The following ARL15 variants were observed in gnomAD, a reference collection of about 807,000 sequenced individuals.
ARL15 encodes ADP-ribosylation factor-like protein 15.
Under a neutral mutation model 25.2 loss-of-function variants are expected in ARL15, and 19 were observed. The ratio of observed to expected loss-of-function variants is 0.75; its 90% confidence interval spans 0.53 to 1.10. The LOEUF is 1.10. Among genes scored for constraint, ARL15 ranks in the 50% least tolerant of loss-of-function variants. The pLI is 0.00. For synonymous variants in ARL15, 94 were observed against 86.8 expected (o/e 1.08, Z -0.46); for missense variants, 220 against 246.0 (o/e 0.89, Z 0.71).
chr5:54,008,616 C>G lies in ARL15; in HGVS notation c.462+104586G>C, dbSNP rs539297267. On this transcript the variant is annotated intron_variant, in intron 4 of 4. Transcript: ENST00000504924. ...TCTTCACCAAAGCCAGGGAACGTCC[C>G]TTTAGCTACTGCAGCATTTCTAACA... Among the ~76,000 whole-genome samples, 819 of 152,262 alleles carry G rather than the reference C, an allele frequency of 5.4e-3. 2 individuals carry two copies. Among genetic ancestry groups the G allele is most frequent in the Admixed American group, 0.011 (168 of 15,286 alleles).
intron 3 of ARL15, among the ~76,000 whole-genome samples, chr5:54,146,539 C>T (rs2112326822): frequency 6.6e-6 from 1 of 152,144 alleles, no homozygotes; most frequent in East Asian, 1.9e-4. Context: ...CACACTGAAA[C>T]TAAATACACA....
chr5:54,209,118 C>G (rs62372181), intron 1 of ARL15, among the ~76,000 whole-genome samples: 2,727 of 152,054 alleles, frequency 0.018, 36 homozygotes, highest in Non-Finnish European at 0.025. Flanking sequence ...ATAATGTAAA[C>G]ACATGGATTT....
chr5:53,959,529 ATGC>A (rs1747292519), intron 4 of ARL15, among the ~76,000 whole-genome samples: 1 of 152,232 alleles, frequency 6.6e-6, no homozygotes. Flanking sequence ...TGTAGAAGAT[ATGC>A]TAAGGTAACT....
intron 1 of ARL15, among the ~76,000 whole-genome samples, chr5:54,198,716 A>G (rs954629122): frequency 6.6e-4 from 100 of 151,520 alleles, no homozygotes; most frequent in African/African-American, 2.3e-3. Flanking sequence ...AAATAGCCAT[A>G]CTGCCCAAGG....
intron 4 of ARL15, among the ~76,000 whole-genome samples, chr5:53,920,212 T>C (rs1028873326): frequency 6.6e-6 from 1 of 152,188 alleles, no homozygotes; most frequent in African/African-American, 2.4e-5. Flanking sequence ...ATTATTATTT[T>C]ATTTTTGGTA....
At position 54,016,115 on chromosome 5, in the gene ARL15, G is replaced by A. The variant is rs556587765; in HGVS notation, c.462+97087C>T. 2.8e-4 allele frequency among the ~76,000 whole-genome samples: 43 copies of A among 152,158 alleles called. 1 individual carries two copies. The highest frequency in any genetic ancestry group is 4.2e-4 in the South Asian group (2 of 4,804). On this transcript the variant is annotated intron_variant, in intron 4 of 4. Coordinates refer to ENST00000504924, the MANE Select transcript of ARL15 (RefSeq NM_019087.3). ...TTTGTGGAACTCCTTTGCGGCTACC[G>A]GTAATTAAAGTGGTTTTTCTCCTGT...
intron 1 of ARL15, among the ~76,000 whole-genome samples, chr5:54,176,934 C>T (rs1050587547): frequency 2.0e-5 from 3 of 152,172 alleles, no homozygotes; most frequent in Admixed American, 1.3e-4. Flanking sequence ...TTCCAACAGC[C>T]CACAGCAGCC....
chr5:54,039,543 T>C (rs570868910), intron 4 of ARL15, among the ~76,000 whole-genome samples: 1 of 152,252 alleles, frequency 6.6e-6, no homozygotes, highest in East Asian at 1.9e-4. Context: ...CTCAGGCCTG[T>C]AATCCCAGCA....
chr5:53,942,130 T>C (rs1000566159), intron 4 of ARL15, among the ~76,000 whole-genome samples: 1 of 152,038 alleles, frequency 6.6e-6, no homozygotes, highest in Non-Finnish European at 1.5e-5. Context: ...CAGGATATAT[T>C]TTGAAGATAA....
rs187338022 is a variant in ARL15 at position 54,142,612 on chromosome 5, A to G, written c.253+11968T>C. ...CCAATGACCTCCCATCACCCCTCAT[A>G]AGGACAAGATGCTGTTTACTTTCCA... On this transcript the variant is annotated intron_variant, in intron 3 of 4. Coordinates refer to ENST00000504924, the MANE Select transcript of ARL15 (RefSeq NM_019087.3). 1.4e-4 allele frequency among the ~76,000 whole-genome samples: 22 copies of G among 152,204 alleles called. No homozygotes were observed. The East Asian group carries it at 4.3e-3, about 29-fold the overall frequency.
chr5:54,123,103 T>C (rs1219228064), intron 3 of ARL15, among the ~76,000 whole-genome samples: 1 of 152,072 alleles, frequency 6.6e-6, no homozygotes, highest in Non-Finnish European at 1.5e-5. Context: ...CTCTCTTCTT[T>C]TTATATTCCT....
intron 4 of ARL15, among the ~76,000 whole-genome samples, chr5:53,900,064 C>A (rs746459224): frequency 1.3e-5 from 2 of 152,138 alleles, no homozygotes; most frequent in Non-Finnish European, 2.9e-5. Flanking sequence ...CTGTGGTTGA[C>A]AGAAACAGAA....
At chr5:53,979,470 G>A (rs1282834112) in intron 4 of ARL15, among the ~76,000 whole-genome samples, 1 of 152,124 alleles carries the variant, frequency 6.6e-6, no homozygotes, top group Non-Finnish European at 1.5e-5. Context: ...AGCCCAGGAG[G>A]TCTAGGCTTC....
intron 1 of ARL15, among the ~76,000 whole-genome samples, chr5:54,181,002 GC>G (rs1755040568): frequency 6.6e-6 from 1 of 152,134 alleles, no homozygotes; most frequent in South Asian, 2.1e-4. Flanking sequence ...CCGATCAGTG[GC>G]TTTCAAGAGT....
chr5:54,002,876 T>C lies in ARL15; in HGVS notation c.462+110326A>G, dbSNP rs139065253. 2.0e-5 allele frequency among the ~76,000 whole-genome samples: 3 copies of C among 152,344 alleles called. No homozygotes were observed. In the East Asian group the frequency reaches 5.8e-4, roughly 29 times the overall value. On this transcript the variant is annotated intron_variant, in intron 4 of 4. Transcript: ENST00000504924. Reference sequence around the variant, plus strand: ...CTGTGTATCTCTGTCATTTCAGAGATACCCAGAGTGGTTTCTATTGACCAG... The same window carrying C: ...CTGTGTATCTCTGTCATTTCAGAGACACCCAGAGTGGTTTCTATTGACCAG...
chr5:54,228,057 G>A (rs1057085342), intron 1 of ARL15, among the ~76,000 whole-genome samples: 3 of 152,114 alleles, frequency 2.0e-5, no homozygotes, highest in Non-Finnish European at 4.4e-5. Context: ...TGTCTGTAAC[G>A]CCAGAGGACC....
chr5:54,080,884 C>A (rs1488844043), intron 4 of ARL15, among the ~76,000 whole-genome samples: 1 of 152,150 alleles, frequency 6.6e-6, no homozygotes, highest in Non-Finnish European at 1.5e-5. Flanking sequence ...AGGAAGTCCA[C>A]GATCAAGACG....
At position 54,112,073 on chromosome 5, in the gene ARL15, T is replaced by A. The variant is rs1463394762; in HGVS notation, c.462+1129A>T. Among the ~76,000 whole-genome samples the A allele has an allele frequency of 2.6e-5, 4 of 152,154 alleles. No homozygotes were observed. In the East Asian group the frequency reaches 7.7e-4, roughly 29 times the overall value. On this transcript the variant is annotated intron_variant, in intron 4 of 4. Transcript: ENST00000504924. ...CGTACTTAATGCTGAATGAGGCAAC[T>A]AAAGTGAGACATGAGCTCTGTCTGT...
At chr5:53,906,573 A>G (rs114807931) in intron 4 of ARL15, among the ~76,000 whole-genome samples, 38 of 152,360 alleles carry the variant, frequency 2.5e-4, no homozygotes, top group Non-Finnish European at 5.3e-4. Flanking sequence ...AAAGTATGTT[A>G]TTAAGCAAAG....
Sources: gnomAD v4.1 joint callset for allele counts (sites outside exome capture counted in the v4.1 genomes callset) on GRCh38, gnomAD v4.1.1 for gene constraint, MANE v1.5 for transcripts, NCBI Gene and HGNC (gene_info 2026-07-23, HGNC 2026-07-21) for gene names.